The following DPYD variants were observed in gnomAD, a reference collection of about 807,000 sequenced individuals.
DPYD encodes the protein dihydropyrimidine dehydrogenase, also known as dihydropyrimidine dehydrogenase [NADP(+)].
A neutral mutation model predicts 116.2 loss-of-function variants in DPYD; 109 were observed. That is an observed-to-expected ratio of 0.94 (90% CI 0.80 to 1.10). The LOEUF (loss-of-function observed/expected upper bound fraction) is 1.10, where lower values mean the gene tolerates loss of function less well. DPYD is among the 50% of genes least tolerant of loss of function. The pLI is 0.00. For synonymous variants in DPYD, 440 were observed against 432.0 expected (o/e 1.02, Z -0.23); for missense variants, 1,302 against 1,254.5 (o/e 1.04, Z -0.57).
chr1:97,651,248 G>T (rs1364776492), intron 8 of DPYD, among the ~76,000 whole-genome samples: 1 of 152,036 alleles, frequency 6.6e-6, no homozygotes, highest in Non-Finnish European at 1.5e-5. Context: ...CAACTGAGGC[G>T]ATTTTATGAA....
At chr1:97,361,532 G>T (rs1263397798) in intron 16 of DPYD, among the ~76,000 whole-genome samples, 2 of 152,156 alleles carry the variant, frequency 1.3e-5, no homozygotes, top group African/African-American at 2.4e-5. Context: ...AAACCCTGAT[G>T]AATATCGATG....
intron 16 of DPYD, among the ~76,000 whole-genome samples, chr1:97,339,919 T>A (rs1335188477): frequency 6.6e-6 from 1 of 152,140 alleles, no homozygotes; most frequent in Non-Finnish European, 1.5e-5. Flanking sequence ...GAAAGGAGTT[T>A]AAAAGTCTCT....
intron 20 of DPYD, among the ~76,000 whole-genome samples, chr1:97,105,838 G>A (rs1270876356): frequency 6.6e-6 from 1 of 152,126 alleles, no homozygotes; most frequent in African/African-American, 2.4e-5. Flanking sequence ...AAACTATGCT[G>A]AAAAATTCTG....
At chr1:97,386,985 A>G (rs564212333) in intron 14 of DPYD, among the ~76,000 whole-genome samples, 2 of 152,222 alleles carry the variant, frequency 1.3e-5, no homozygotes, top group African/African-American at 4.8e-5. Flanking sequence ...AAAAACCAGA[A>G]TGATGGATAT....
chr1:97,792,810 A>G (rs924491329), intron 3 of DPYD, among the ~76,000 whole-genome samples: 2 of 152,204 alleles, frequency 1.3e-5, no homozygotes, highest in Admixed American at 1.3e-4. Flanking sequence ...TAAGTAAGGC[A>G]CATTCTACAA....
chr1:97,577,267 A>G (rs1653327896), intron 10 of DPYD, among the ~76,000 whole-genome samples: 1 of 152,132 alleles, frequency 6.6e-6, no homozygotes, highest in South Asian at 2.1e-4. Context: ...GTGGATCAAG[A>G]TATTTCCCTT....
chr1:97,645,781 C>T (rs758886878), intron 8 of DPYD, among the ~76,000 whole-genome samples: 42 of 151,994 alleles, frequency 2.8e-4, no homozygotes, highest in Admixed American at 1.8e-3. Context: ...TTTTGAGCCC[C>T]AATCTTACTA....
chr1:97,830,161 G>T (rs1032212163), intron 2 of DPYD, among the ~76,000 whole-genome samples: 3 of 152,064 alleles, frequency 2.0e-5, no homozygotes, highest in Admixed American at 6.5e-5. Context: ...ATGGACATTT[G>T]GGCTGGTTCC....
In DPYD at chr1:97,088,034, A is replaced by C. The variant is rs368006482; in HGVS notation, c.2767-5564T>G. ...CTTTTATTTCATCATTGGTAATGTG[A>C]TCTGTCTTTTCTCATATAAGCACCA... On this transcript the variant is annotated intron_variant, in intron 21 of 22. Coordinates refer to ENST00000370192, the MANE Select transcript of DPYD (RefSeq NM_000110.4). Among the ~76,000 whole-genome samples, 33 of 152,178 alleles carry C rather than the reference A, an allele frequency of 2.2e-4. No individual in the cohort carries two copies. In the South Asian group the frequency reaches 6.4e-3, roughly 30 times the overall value.
chr1:97,685,459 T>C (rs1238033096), intron 7 of DPYD, among the ~76,000 whole-genome samples: 1 of 152,048 alleles, frequency 6.6e-6, no homozygotes, highest in Non-Finnish European at 1.5e-5. Context: ...CTCTCACCAC[T>C]CCATTTCAAC....
At chr1:97,661,213 G>A (rs1032552645) in intron 8 of DPYD, among the ~76,000 whole-genome samples, 1 of 152,150 alleles carries the variant, frequency 6.6e-6, no homozygotes, top group South Asian at 2.1e-4. Context: ...TATTAGAGTT[G>A]TAATGAACTC....
At chr1:97,619,551 G>A (rs369757794) in intron 8 of DPYD, among the ~76,000 whole-genome samples, 3 of 152,080 alleles carry the variant, frequency 2.0e-5, no homozygotes, top group Non-Finnish European at 4.4e-5. Context: ...TATTAAATCC[G>A]CATCCACCCT....
chr1:97,866,044 T>C (rs746761861), intron 2 of DPYD, among the ~76,000 whole-genome samples: 2 of 151,952 alleles, frequency 1.3e-5, no homozygotes, highest in Non-Finnish European at 2.9e-5. Context: ...TTTTCTCTAA[T>C]TTGATAATAG....
intron 18 of DPYD, among the ~76,000 whole-genome samples, chr1:97,274,885 A>T (rs1664837402): frequency 1.3e-5 from 2 of 152,156 alleles, no homozygotes. Flanking sequence ...ATAAGAAATT[A>T]TATGTAGAAT....
chr1:97,653,945 GA>G (rs1658741019), intron 8 of DPYD, among the ~76,000 whole-genome samples: 1 of 152,112 alleles, frequency 6.6e-6, no homozygotes, highest in African/African-American at 2.4e-5. Flanking sequence ...AGAAAAATCA[GA>G]ATCAGATCTC....
At chr1:97,478,684 G>C (rs1678128980) in intron 13 of DPYD, among the ~76,000 whole-genome samples, 1 of 152,146 alleles carries the variant, frequency 6.6e-6, no homozygotes, top group Non-Finnish European at 1.5e-5. Context: ...CATTACACGA[G>C]AGTTAGCATG....
chr1:97,367,483 C>G (rs572975878), intron 16 of DPYD, among the ~76,000 whole-genome samples: 1 of 152,068 alleles, frequency 6.6e-6, no homozygotes, highest in South Asian at 2.1e-4. Context: ...TCCCTGATGA[C>G]AAAACTAATG....
chr1:97,916,261 T>C (rs1674206600), intron 1 of DPYD, among the ~76,000 whole-genome samples: 1 of 152,210 alleles, frequency 6.6e-6, no homozygotes, highest in Admixed American at 6.5e-5. Context: ...TATATACATG[T>C]GCCATGTTGG....
chr1:97,449,688 C>A (rs1676294761), intron 14 of DPYD, among the ~76,000 whole-genome samples: 2 of 152,068 alleles, frequency 1.3e-5, no homozygotes, highest in Non-Finnish European at 2.9e-5. Context: ...CTGCTTCTGC[C>A]TCAGGTTTAT....
Sources: allele counts gnomAD v4.1 joint callset (sites outside exome capture counted in the v4.1 genomes callset), GRCh38; gene constraint gnomAD v4.1.1; transcripts MANE v1.5; gene names NCBI Gene and HGNC (gene_info 2026-07-23, HGNC 2026-07-21).